Variants in RCL1 observed in about 807,000 individuals in gnomAD.
The protein encoded by RCL1 is RNA 3'-terminal phosphate cyclase-like protein.
In RCL1, 24 loss-of-function variants were observed where a neutral mutation model predicts 42.4. That is an observed-to-expected ratio of 0.57 (90% CI 0.41 to 0.80). RCL1 has a LOEUF of 0.80. RCL1 is among the 30% of genes least tolerant of loss of function. RCL1 has a pLI of 0.00. For missense variants in RCL1, 578 were observed against 467.9 expected, an observed-to-expected ratio of 1.24 and a Z score of -2.17; for synonymous variants, 228 against 177.3, an observed-to-expected ratio of 1.29 and a Z score of -2.27.
At chr9:4,839,660 T>G in intron 5 of RCL1, 1 of 985,402 alleles carries the variant, frequency 1.0e-6, no homozygotes, top group Non-Finnish European at 1.2e-6. Context: ...GTGTGTGTAT[T>G]GAAAAATCCC....
At chr9:4,844,737 AT>A in intron 7 of RCL1, 56 bp downstream of exon 7, 1 of 1,550,258 alleles carries the variant, frequency 6.5e-7, no homozygotes, top group Non-Finnish European at 8.8e-7. Context: ...TTGTTTTCTC[AT>A]TCTCATCTCT....
chr9:4,850,813 G>A (rs947708380), intron 8 of RCL1, among the ~76,000 whole-genome samples: 4 of 152,012 alleles, frequency 2.6e-5, no homozygotes, highest in Admixed American at 6.5e-5. Context: ...CACTGGAGGC[G>A]GCTGCCAGCT....
chr9:4,859,422 T>C (rs1818081805), intron 8 of RCL1, among the ~76,000 whole-genome samples: 1 of 152,250 alleles, frequency 6.6e-6, no homozygotes, highest in South Asian at 2.1e-4. Context: ...TACCACTAGA[T>C]TGAAATCCTC....
chr9:4,853,601 G>A (rs1817832927), intron 8 of RCL1, among the ~76,000 whole-genome samples: 1 of 152,072 alleles, frequency 6.6e-6, no homozygotes. Flanking sequence ...GATTACAGAC[G>A]TGAGCCACCG....
chr9:4,843,706 A>G (rs868788689), intron 6 of RCL1, among the ~76,000 whole-genome samples: 4 of 152,262 alleles, frequency 2.6e-5, no homozygotes, highest in Admixed American at 2.0e-4. Flanking sequence ...AAATGCAGGT[A>G]AATGGGTAAA....
intron 1 of RCL1, among the ~76,000 whole-genome samples, chr9:4,818,322 A>AT (rs1338271562): frequency 2.7e-5 from 4 of 150,574 alleles, no homozygotes; most frequent in African/African-American, 7.3e-5. Context: ...TATGGTCTGC[A>AT]TTTTTTTTTC....
intron 1 of RCL1, among the ~76,000 whole-genome samples, chr9:4,808,259 T>C (rs1166033107): frequency 6.6e-6 from 1 of 152,202 alleles, no homozygotes; most frequent in East Asian, 1.9e-4. Context: ...TAGTGCTACA[T>C]TGACTCTTTT....
At chr9:4,840,270 G>T (rs981657128) in intron 5 of RCL1, among the ~76,000 whole-genome samples, 1 of 152,148 alleles carries the variant, frequency 6.6e-6, no homozygotes, top group Admixed American at 6.5e-5. Context: ...TATATACCTC[G>T]TTCTACCTGT....
intron 1 of RCL1, among the ~76,000 whole-genome samples, chr9:4,819,258 C>A (rs1563837587): frequency 1.3e-5 from 2 of 152,224 alleles, no homozygotes; most frequent in Non-Finnish European, 2.9e-5. Flanking sequence ...GCCTCGATCC[C>A]TTGCATGTGC....
At chr9:4,811,414 T>G (rs1816170804) in intron 1 of RCL1, among the ~76,000 whole-genome samples, 2 of 152,184 alleles carry the variant, frequency 1.3e-5, no homozygotes, top group African/African-American at 4.8e-5. Context: ...AGCCTTTGGC[T>G]ATCCTTCCTT....
chr9:4,825,251 C>T (rs944024555), intron 2 of RCL1, among the ~76,000 whole-genome samples: 2 of 152,166 alleles, frequency 1.3e-5, no homozygotes, highest in Non-Finnish European at 1.5e-5. Flanking sequence ...TGATTCTGCT[C>T]CCACTACATG....
At position 4,826,884 on chromosome 9, in the gene RCL1, C is replaced by G. The variant is rs1323176502; in HGVS notation, c.235C>G (p.Leu79Val). The G allele has an allele frequency of 3.1e-6, 5 of 1,613,958 alleles. No individual in the cohort carries two copies. The highest frequency in any genetic ancestry group is 3.4e-6 in the Non-Finnish European group (4 of 1,179,914). ...TGTTLYYQPG[L>V]LYGGSVEHDC... ...AACAACCTTATATTATCAGCCTGGC[C>G]TCCTGTATGGTGGATCTGTGGAACA... Residue 79 changes from leucine to valine, a missense_variant, in exon 3 of 9, where the codon CTC (leucine) becomes GTC (valine). Coordinates refer to ENST00000381750, the MANE Select transcript of RCL1 (RefSeq NM_005772.5).
chr9:4,841,231 G>A lies in RCL1; in HGVS notation c.585-1G>A. 6.2e-7 allele frequency: 1 copy of A among 1,614,000 alleles called. No individual in the cohort carries two copies. The highest frequency in any genetic ancestry group is 2.2e-5 in the East Asian group (1 of 44,882). The stretch of plus-strand genomic sequence containing the variant: ...ATGACATCCTTAACTCCAGGCTGCA[G>A]GTACTCTGTACGTGTGTCACCTCAG... On this transcript the variant is annotated splice_acceptor_variant, in intron 5 of 8. Coordinates refer to ENST00000381750, the MANE Select transcript of RCL1 (RefSeq NM_005772.5). LOFTEE classifies it high-confidence loss of function.
At position 4,827,755 on chromosome 9, in the gene RCL1, T is replaced by C. The variant is rs4008474; in HGVS notation, c.384+722T>C. On this transcript the variant is annotated intron_variant, in intron 3 of 8. Coordinates refer to ENST00000381750, the MANE Select transcript of RCL1 (RefSeq NM_005772.5). ...AAGTGTGTGTGTGTGTGTGTGTGTG[T>C]GCACGCGTGTGTGTGTGTGTGTGTG... Among the ~76,000 whole-genome samples, 690 of 80,012 alleles carry C rather than the reference T, an allele frequency of 8.6e-3. 2 individuals are homozygous for C. Among genetic ancestry groups the C allele is most frequent in the Non-Finnish European group, 0.016 (553 of 34,274 alleles). The allele number at this position is 80,012 out of a possible 152,430, so 52.5% of individuals were successfully genotyped here.
At chr9:4,849,168 ATTTTT>A (rs34569485) in intron 7 of RCL1, among the ~76,000 whole-genome samples, 1 of 143,208 alleles carries the variant, frequency 7.0e-6, no homozygotes, top group East Asian at 2.0e-4. Context: ...GGAAAGTTTC[ATTTTT>A]TTTTTTTTTT....
Position 4,811,234 on chromosome 9 carries a change from A to T in RCL1, c.137-12314A>T, listed in dbSNP as rs141981670. ...GAGTTGGAGGTTGCAGTGAGTCATG[A>T]TCACACCACTGCACTGGGCAATAGA... On this transcript the variant is annotated intron_variant, in intron 1 of 8. Transcript: ENST00000381750. Among the ~76,000 whole-genome samples the T allele has an allele frequency of 1.1e-3, 170 of 151,698 alleles. 1 individual carries two copies. Among genetic ancestry groups the T allele is most frequent in the African/African-American group, 3.8e-3 (155 of 41,328 alleles).
At chr9:4,798,776 G>C in intron 1 of RCL1, among the ~76,000 whole-genome samples, 1 of 152,028 alleles carries the variant, frequency 6.6e-6, no homozygotes. Flanking sequence ...ACTAACTGTA[G>C]ATTGAATATG....
chr9:4,797,085 G>A (rs528799157), intron 1 of RCL1, among the ~76,000 whole-genome samples: 3 of 152,278 alleles, frequency 2.0e-5, no homozygotes, highest in East Asian at 1.9e-4. Flanking sequence ...GTTTGAGTAC[G>A]AGTTCTGCCT....
chr9:4,845,149 G>C (rs1377850541), intron 7 of RCL1, among the ~76,000 whole-genome samples: 1 of 152,208 alleles, frequency 6.6e-6, no homozygotes, highest in African/African-American at 2.4e-5. Flanking sequence ...CAACAGGCTA[G>C]ATTTTGCAAT....
Sources: gnomAD v4.1 joint callset for allele counts (sites outside exome capture counted in the v4.1 genomes callset) on GRCh38, gnomAD v4.1.1 for gene constraint, MANE v1.5 for transcripts, NCBI Gene and HGNC (gene_info 2026-07-23, HGNC 2026-07-21) for gene names.